Variants in HNRNPM observed in about 807,000 individuals in gnomAD.
HNRNPM encodes heterogeneous nuclear ribonucleoprotein M.
In HNRNPM, 11 loss-of-function variants were observed where a neutral mutation model predicts 73.1. The observed-to-expected ratio is 0.15, with a 90% CI of 0.09 to 0.25. HNRNPM has a LOEUF of 0.25. HNRNPM is among the 10% of genes least tolerant of loss of function. HNRNPM has a pLI of 1.00. For synonymous variants in HNRNPM, 407 were observed against 355.2 expected (o/e 1.15, Z -1.64); for missense variants, 789 against 1,067.9 (o/e 0.74, Z 3.64).
Position 8,486,370 on chromosome 19 carries a change from G to C in HNRNPM, c.1942G>C (p.Val648Leu). 1 of 1,584,026 alleles carries C rather than the reference G, an allele frequency of 6.3e-7. No homozygotes were observed. The highest frequency in any genetic ancestry group is 8.5e-7 in the Non-Finnish European group (1 of 1,171,814). ...TGGAGCTGGAGGCCATGCTCCTGGG[G>C]TGGCCAGGAAGGCCTGCCAGATATT... ...FGGAGGHAPGVARKACQIFVR... is the reference protein window; with the variant it reads ...FGGAGGHAPGLARKACQIFVR... Residue 648 changes from valine (V) to leucine (L), a missense_variant, in exon 14 of 16, where the codon GTG becomes CTG. Physicochemically the swap from Val to Leu is conservative, Grantham distance 32. Coordinates refer to ENST00000325495, the MANE Select transcript of HNRNPM (RefSeq NM_005968.5).
rs546582998 is a variant in HNRNPM at position 8,466,639 on chromosome 19, A to G, written c.784+251A>G. 1.0e-3 allele frequency among the ~76,000 whole-genome samples: 155 copies of G among 152,196 alleles called. 1 individual carries two copies. Among genetic ancestry groups the G allele is most frequent in the Admixed American group, 6.5e-4 (10 of 15,292 alleles). On this transcript the variant is annotated intron_variant, in intron 7 of 15. Transcript: ENST00000325495. ...GGTCAGTTCGAGACCAGCCTGGCCA[A>G]CATGGTGAAACCCCGGCTCTACTAA...
chr19:8,460,684 G>C (rs965098689), intron 2 of HNRNPM, among the ~76,000 whole-genome samples: 4 of 152,258 alleles, frequency 2.6e-5, no homozygotes, highest in African/African-American at 7.2e-5. Flanking sequence ...TATGGACACA[G>C]ACTAGAAACT....
rs753637532 is a variant in HNRNPM, at chr19:8,485,756, G to A, written c.1328G>A (p.Arg443His). 19 of 1,604,968 alleles carry A rather than the reference G, an allele frequency of 1.2e-5. No individual in the cohort carries two copies. Among genetic ancestry groups the A allele is most frequent in the Non-Finnish European group, 1.5e-5 (18 of 1,179,144 alleles). Reference sequence around the variant, plus strand: ...GAGCGCATGGGCCTGGTCATGGACCGCATGGGCTCCGTGGAGCGCATGGGC... The same window carrying A: ...GAGCGCATGGGCCTGGTCATGGACCACATGGGCTCCGTGGAGCGCATGGGC... ...EIERMGLVMDRMGSVERMGSG... is the reference protein window; with the variant it reads ...EIERMGLVMDHMGSVERMGSG... Residue 443 changes from arginine (R) to histidine (H), a missense_variant, in exon 14 of 16, where the codon CGC (arginine) becomes CAC (histidine). By Grantham distance (29) the Arg-to-His change is conservative (BLOSUM62 0). This residue lies in a region of HNRNPM where 604 missense variants were observed against 744.0 expected (regional missense o/e 0.81). Coordinates refer to ENST00000325495, the MANE Select transcript of HNRNPM (RefSeq NM_005968.5).
Position 8,444,977 on chromosome 19 carries a change from A to C in HNRNPM, c.-22A>C. The C allele has an allele frequency of 7.2e-7, 1 of 1,383,094 alleles. No homozygotes were observed. Among genetic ancestry groups the C allele is most frequent in the Non-Finnish European group, 9.4e-7 (1 of 1,066,784 alleles). 85.7% of individuals were successfully genotyped at this position (1,383,094 alleles called of 1,614,324 possible). A position where few individuals can be genotyped will look rare whatever the true frequency, so the allele number is the denominator to read the frequency against. On this transcript the variant is annotated 5_prime_UTR_variant, in exon 1 of 16. Coordinates refer to ENST00000325495, the MANE Select transcript of HNRNPM (RefSeq NM_005968.5). ...AGCGCGGTGCAGCCCGTTCGCTCAC[A>C]CAAAGCCCAGACGCGGAGAAAATGG... is the stretch of plus-strand genomic sequence containing the variant.
intron 12 of HNRNPM, among the ~76,000 whole-genome samples, chr19:8,475,749 A>G (rs1970456249): frequency 6.6e-6 from 1 of 152,182 alleles, no homozygotes; most frequent in Non-Finnish European, 1.5e-5. Context: ...AAAGTTTCAG[A>G]AATCTGGCTT....
chr19:8,459,671 C>G (rs1366112488), intron 2 of HNRNPM, among the ~76,000 whole-genome samples: 1 of 152,168 alleles, frequency 6.6e-6, no homozygotes, highest in East Asian at 1.9e-4. Flanking sequence ...CAGACTTGAG[C>G]AGTAAATGGG....
At position 8,463,639 on chromosome 19, in the gene HNRNPM, G is replaced by A. The variant is rs781468458; in HGVS notation, c.391G>A (p.Val131Ile). The A allele has an allele frequency of 1.9e-6, 3 of 1,614,074 alleles. No homozygotes were observed. The highest frequency in any genetic ancestry group is 2.2e-5 in the East Asian group (1 of 44,892). ...MEESMKKAAE[V>I]LNKHSLSGRP... ...AGAGAGCATGAAAAAAGCTGCGGAA[G>A]TCCTAAACAAGCATAGTCTGAGCGG... The change falls in exon 5 of 16, where the codon GTC becomes ATC. Residue 131 changes from valine to isoleucine, a missense_variant. Physicochemically the swap from Val to Ile is conservative, Grantham distance 29 (BLOSUM62 3). This residue lies in a region of HNRNPM where 63 missense variants were observed against 147.4 expected (regional missense o/e 0.43). Coordinates refer to ENST00000325495, the MANE Select transcript of HNRNPM (RefSeq NM_005968.5).
At position 8,479,542 on chromosome 19, in the gene HNRNPM, A is replaced by C. The variant is rs912953001; in HGVS notation, c.1121-3616A>C. ...AGTACAGTGGGTATGATCTCACTGT[A>C]GCAGGCTGAAGCAATCCTCCTACCT... On this transcript the variant is annotated intron_variant, in intron 12 of 15. Transcript: ENST00000325495. Among the ~76,000 whole-genome samples, 3 of 152,128 alleles carry C rather than the reference A, an allele frequency of 2.0e-5. No homozygotes were observed. The East Asian group carries it at 5.8e-4, about 30-fold the overall frequency.
At chr19:8,445,863 C>T (rs1453389678) in intron 1 of HNRNPM, among the ~76,000 whole-genome samples, 1 of 152,240 alleles carries the variant, frequency 6.6e-6, no homozygotes, top group Admixed American at 6.5e-5. Context: ...GGGAGGAATC[C>T]CCTTTTTCCC....
At chr19:8,454,870 G>A (rs150011932) in intron 1 of HNRNPM, among the ~76,000 whole-genome samples, 591 of 152,170 alleles carry the variant, frequency 3.9e-3, no homozygotes, top group Non-Finnish European at 7.1e-3. Flanking sequence ...GTTACTGTCC[G>A]TAGGAGTATT....
At chr19:8,450,975 C>T (rs187348290) in intron 1 of HNRNPM, among the ~76,000 whole-genome samples, 10 of 152,116 alleles carry the variant, frequency 6.6e-5, no homozygotes, top group Admixed American at 1.3e-4. Flanking sequence ...GGCATAATCT[C>T]GGCTCACTGC....
chr19:8,467,174 G>A (rs895248674), intron 7 of HNRNPM, among the ~76,000 whole-genome samples: 3 of 152,132 alleles, frequency 2.0e-5, no homozygotes, highest in Admixed American at 6.5e-5. Flanking sequence ...AGACAAGACC[G>A]TCACTGCATG....
intron 1 of HNRNPM, among the ~76,000 whole-genome samples, chr19:8,449,094 C>T (rs1968431608): frequency 6.6e-6 from 1 of 152,176 alleles, no homozygotes; most frequent in Admixed American, 6.5e-5. Flanking sequence ...TGAGTGTTTG[C>T]TGTACTTTAA....
In HNRNPM at chr19:8,445,269, G is replaced by C. The variant is rs572935380; in HGVS notation, c.113+158G>C. ...TCAGGGTAGCGGCGTCTAGGGCCGT[G>C]AGCGGGGAGCCGGGGGAGCCTCCAG... On this transcript the variant is annotated intron_variant, in intron 1 of 15. Coordinates refer to ENST00000325495, the MANE Select transcript of HNRNPM (RefSeq NM_005968.5). 384 of 572,770 alleles carry C rather than the reference G, an allele frequency of 6.7e-4. 1 individual carries two copies. In the African/African-American group the frequency reaches 7.0e-3, roughly 10 times the overall value. 35.5% of individuals were successfully genotyped at this position (572,770 alleles called of 1,614,324 possible). A position where few individuals can be genotyped will look rare whatever the true frequency, so the allele number is the denominator to read the frequency against.
intron 2 of HNRNPM, among the ~76,000 whole-genome samples, chr19:8,456,604 CAG>C (rs1387045615): frequency 6.6e-6 from 1 of 152,210 alleles, no homozygotes; most frequent in African/African-American, 2.4e-5. Flanking sequence ...ATTTCAGTGA[CAG>C]AGATGCCCCG....
intron 1 of HNRNPM, among the ~76,000 whole-genome samples, chr19:8,446,275 A>G (rs994363779): frequency 6.6e-6 from 1 of 152,196 alleles, no homozygotes; most frequent in African/African-American, 2.4e-5. Context: ...CATCATCGGA[A>G]ACAGAAAGTG....
intron 2 of HNRNPM, among the ~76,000 whole-genome samples, chr19:8,458,062 T>C (rs1969143011): frequency 6.6e-6 from 1 of 152,232 alleles, no homozygotes; most frequent in South Asian, 2.1e-4. Flanking sequence ...TAGCACTATC[T>C]AATTGCAGCC....
chr19:8,484,627 A>C (rs1473351846), intron 13 of HNRNPM, among the ~76,000 whole-genome samples: 1 of 152,168 alleles, frequency 6.6e-6, no homozygotes. Context: ...GCAGCTAGAG[A>C]AGCAGGCGCG....
chr19:8,478,701 A>G (rs1440648980), intron 12 of HNRNPM, among the ~76,000 whole-genome samples: 2 of 152,142 alleles, frequency 1.3e-5, no homozygotes, highest in Non-Finnish European at 2.9e-5. Context: ...GTCTTTTCAG[A>G]TGGCTTTTTA....
Sources: gnomAD v4.1 joint callset for allele counts (sites outside exome capture counted in the v4.1 genomes callset) on GRCh38, gnomAD v4.1.1 for gene constraint, gnomAD v4.1.1 regional missense constraint, MANE v1.5 for transcripts, NCBI Gene and HGNC (gene_info 2026-07-23, HGNC 2026-07-21) for gene names.